Variants in ARFIP1 observed in about 807,000 individuals in gnomAD.
ARFIP1 encodes ARF interacting protein 1.
In ARFIP1, 24 loss-of-function variants were observed where a neutral mutation model predicts 42.5. The ratio of observed to expected loss-of-function variants is 0.57; its 90% CI spans 0.41 to 0.80. The LOEUF (loss-of-function observed/expected upper bound fraction) is 0.80. Ranked by LOEUF, ARFIP1 falls within the 30% of genes least tolerant of loss-of-function variation. ARFIP1 has a pLI of 0.00. For missense variants in ARFIP1, 354 were observed against 434.0 expected (o/e 0.82, Z 1.64); for synonymous variants, 141 against 153.7 (o/e 0.92, Z 0.61).
intron 2 of ARFIP1, among the ~76,000 whole-genome samples, chr4:152,852,682 T>C (rs922115836): frequency 2.0e-5 from 3 of 152,222 alleles, no homozygotes; most frequent in African/African-American, 7.2e-5. Flanking sequence ...TTTAAAATTT[T>C]GGTGAACTGT....
At chr4:152,821,528 T>C (rs1479848534) in intron 1 of ARFIP1, among the ~76,000 whole-genome samples, 3 of 152,100 alleles carry the variant, frequency 2.0e-5, no homozygotes, top group Non-Finnish European at 4.4e-5. Context: ...ATTATAGGTG[T>C]TCCTAAGAGA....
intron 1 of ARFIP1, chr4:152,807,149 A>G (rs1439728063): frequency 6.6e-6 from 1 of 151,024 alleles, no homozygotes; most frequent in East Asian, 1.9e-4. Context: ...TTGTATGGAT[A>G]TACCACAATT....
intron 8 of ARFIP1, among the ~76,000 whole-genome samples, chr4:152,889,822 ATATATAC>A (rs1336010787): frequency 4.0e-4 from 45 of 111,466 alleles, no homozygotes; most frequent in Non-Finnish European, 5.7e-4. Flanking sequence ...TATATATACT[ATATATAC>A]TATATACTAT....
intron 1 of ARFIP1, among the ~76,000 whole-genome samples, chr4:152,828,464 G>A (rs968338915): frequency 6.6e-6 from 1 of 152,158 alleles, no homozygotes; most frequent in Non-Finnish European, 1.5e-5. Context: ...TATGACATAT[G>A]ATGTTGAACA....
chr4:152,806,882 A>G lies in ARFIP1; in HGVS notation c.-9-22743A>G, dbSNP rs566692255. 1.0e-4 allele frequency among the ~76,000 whole-genome samples: 15 copies of G among 148,794 alleles called. No homozygotes were observed. The South Asian group carries it at 3.2e-3, about 31-fold the overall frequency. ...AGAGACAGGTCTCACTCTGACACCC[A>G]TGCTGGAATGCAGTGGCAGAATCAT... On this transcript the variant is annotated intron_variant, in intron 1 of 8. Coordinates refer to ENST00000353617, the MANE Select transcript of ARFIP1 (RefSeq NM_001025595.3).
chr4:152,861,750 T>A (rs1733910686), intron 2 of ARFIP1, among the ~76,000 whole-genome samples: 1 of 152,214 alleles, frequency 6.6e-6, no homozygotes, highest in Non-Finnish European at 1.5e-5. Flanking sequence ...CTGAAAGGGC[T>A]TCTTATTTCA....
Position 152,880,967 on chromosome 4 carries a change from C to T in ARFIP1, c.416C>T (p.Thr139Ile), listed in dbSNP as rs909877715. Residue 139 changes from threonine (T) to isoleucine (I), a missense_variant, in exon 6 of 9, where the codon ACT (threonine) becomes ATT (isoleucine). By Grantham distance (89) the Thr-to-Ile change is moderately conservative. Coordinates refer to ENST00000353617, the MANE Select transcript of ARFIP1 (RefSeq NM_001025595.3). ...AAATGCATCTTCCACTTTTAGTGTA[C>T]TCGACAGATTATCTCTGAGAAGCTA... ...RKWSLNTYKC[T>I]RQIISEKLGR... is the part of the protein sequence containing the mutation. 6.2e-7 allele frequency: 1 copy of T among 1,610,794 alleles called. No homozygotes were observed. The highest frequency in any genetic ancestry group is 1.3e-5 in the African/African-American group (1 of 74,690).
intron 3 of ARFIP1, among the ~76,000 whole-genome samples, chr4:152,863,999 T>C (rs1454812651): frequency 6.6e-6 from 1 of 152,208 alleles, no homozygotes; most frequent in African/African-American, 2.4e-5. Context: ...TAGATGTAGA[T>C]TATTTTAACT....
At chr4:152,828,287 ACT>A (rs1165574364) in intron 1 of ARFIP1, among the ~76,000 whole-genome samples, 1 of 152,024 alleles carries the variant, frequency 6.6e-6, no homozygotes, top group Non-Finnish European at 1.5e-5. Flanking sequence ...AAACTACCAA[ACT>A]CTGTTTCATA....
chr4:152,881,738 T>TTA (rs1190996065), intron 6 of ARFIP1, among the ~76,000 whole-genome samples: 1 of 152,086 alleles, frequency 6.6e-6, no homozygotes, highest in East Asian at 1.9e-4. Context: ...CAGAGTGGAG[T>TTA]TACATGGACA....
In ARFIP1 at chr4:152,908,875, G is replaced by T. The variant is rs1232196090; in HGVS notation, c.967-1189G>T. Among the ~76,000 whole-genome samples, 3 of 145,388 alleles carry T rather than the reference G, an allele frequency of 2.1e-5. No individual in the cohort carries two copies. The Admixed American group carries it at 2.1e-4, about 10-fold the overall frequency. ...AGCTCAGTTTTGGAAATCATTTTCA[G>T]AAATGGCTAGAGAGAAGTGTGTGTG... On this transcript the variant is annotated intron_variant, in intron 8 of 8. Coordinates refer to ENST00000353617, the MANE Select transcript of ARFIP1 (RefSeq NM_001025595.3).
At chr4:152,790,728 C>CTTTTTTTTTT (rs781615063) in intron 1 of ARFIP1, among the ~76,000 whole-genome samples, 2 of 106,080 alleles carry the variant, frequency 1.9e-5, no homozygotes, top group Non-Finnish European at 3.8e-5. Flanking sequence ...ATGTGTTTAT[C>CTTTTTTTTTT]TTTTTTTTTT....
At chr4:152,877,028 C>G (rs528084965) in intron 5 of ARFIP1, among the ~76,000 whole-genome samples, 1 of 152,280 alleles carries the variant, frequency 6.6e-6, no homozygotes, top group Non-Finnish European at 1.5e-5. Flanking sequence ...GTGGGGCCCT[C>G]ATGGAGAACC....
chr4:152,890,015 A>G (rs1215553723), intron 8 of ARFIP1, among the ~76,000 whole-genome samples: 1 of 149,748 alleles, frequency 6.7e-6, no homozygotes, highest in Non-Finnish European at 1.5e-5. Context: ...GAATATATCA[A>G]TATTTAGATA....
chr4:152,782,872 C>CT (rs530150369), intron 1 of ARFIP1, among the ~76,000 whole-genome samples: 8 of 148,596 alleles, frequency 5.4e-5, no homozygotes, highest in Non-Finnish European at 7.5e-5. Context: ...AGGTCTGATA[C>CT]TTTTTTTTTT....
At chr4:152,880,825 A>G in intron 5 of ARFIP1, 138 bp from the exon 6 acceptor site, 2 of 639,544 alleles carry the variant, frequency 3.1e-6, no homozygotes, top group African/African-American at 1.8e-5. Flanking sequence ...CTGAGTCCTG[A>G]TCAAGTAAGG....
chr4:152,788,736 C>G (rs1730963002), intron 1 of ARFIP1, among the ~76,000 whole-genome samples: 1 of 151,400 alleles, frequency 6.6e-6, no homozygotes, highest in African/African-American at 2.4e-5. Flanking sequence ...TCACAATTAA[C>G]CAATATTGGC....
intron 8 of ARFIP1, among the ~76,000 whole-genome samples, chr4:152,901,313 A>G (rs1404451472): frequency 1.3e-5 from 2 of 152,172 alleles, no homozygotes; most frequent in Non-Finnish European, 2.9e-5. Flanking sequence ...GGCAAGAGAA[A>G]GTTTTCGGTG....
intron 2 of ARFIP1, among the ~76,000 whole-genome samples, chr4:152,848,923 G>A (rs74861185): frequency 0.045 from 6,797 of 152,162 alleles, 178 homozygotes; most frequent in Middle Eastern, 0.092. Context: ...GTAGTAGCTC[G>A]GTCAATGGCA....
Sources: allele counts gnomAD v4.1 joint callset (sites outside exome capture counted in the v4.1 genomes callset), GRCh38; gene constraint gnomAD v4.1.1; transcripts MANE v1.5; gene names NCBI Gene and HGNC (gene_info 2026-07-23, HGNC 2026-07-21).